WDR45B: variants seen among roughly 807,000 people sequenced by gnomAD.
WDR45B encodes WD repeat domain phosphoinositide-interacting protein 3.
Under a neutral mutation model 44.6 loss-of-function variants are expected in WDR45B, and 20 were observed. The observed-to-expected ratio is 0.45, with a 90% CI of 0.32 to 0.65. WDR45B has a LOEUF of 0.65. WDR45B is among the 30% of genes least tolerant of loss of function. The probability of loss-of-function intolerance (pLI) is 0.05; values close to 1 mark genes in which losing one functional copy is unlikely to be tolerated. For missense variants in WDR45B, 323 were observed against 430.2 expected (o/e 0.75, Z 2.20); for synonymous variants, 169 against 164.9 (o/e 1.02, Z -0.19).
intron 2 of WDR45B, among the ~76,000 whole-genome samples, chr17:82,637,444 G>T (rs1405576874): frequency 6.6e-6 from 1 of 151,910 alleles, no homozygotes. Context: ...AAACCGCACA[G>T]CAAACCCCAG....
At chr17:82,632,356 G>A (rs953320804) in intron 2 of WDR45B, among the ~76,000 whole-genome samples, 5 of 151,940 alleles carry the variant, frequency 3.3e-5, no homozygotes, top group South Asian at 4.2e-4. Context: ...TTGTAGAGGC[G>A]AGGTCATACT....
chr17:82,619,553 A>G (rs535268107), intron 6 of WDR45B, among the ~76,000 whole-genome samples: 2 of 132,926 alleles, frequency 1.5e-5, no homozygotes, highest in Admixed American at 1.6e-4. Flanking sequence ...GCCATCAAAA[A>G]GGTGAGGCAA....
chr17:82,621,894 T>A (rs752012977), intron 5 of WDR45B, 95 bp from the exon 6 acceptor site: 30 of 1,267,496 alleles, frequency 2.4e-5, no homozygotes, highest in Non-Finnish European at 3.1e-5. Flanking sequence ...AAAAAATAGA[T>A]GTATATCATT....
chr17:82,635,427 T>G (rs1045909914), intron 2 of WDR45B, among the ~76,000 whole-genome samples: 2 of 68,780 alleles, frequency 2.9e-5, no homozygotes, highest in African/African-American at 1.1e-4. Flanking sequence ...TCTTTTCAGG[T>G]TTTTTTTTTT....
intron 7 of WDR45B, among the ~76,000 whole-genome samples, chr17:82,618,153 C>T (rs2045564783): frequency 6.6e-6 from 1 of 152,212 alleles, no homozygotes; most frequent in Non-Finnish European, 1.5e-5. Context: ...TGGTCTCGAA[C>T]TCCTGACCTC....
intron 6 of WDR45B, among the ~76,000 whole-genome samples, chr17:82,619,610 G>A (rs2045587049): frequency 6.6e-6 from 1 of 152,060 alleles, no homozygotes; most frequent in South Asian, 2.1e-4. Context: ...CAGCTATGCT[G>A]GCTTTCCCAA....
chr17:82,647,842 T>A (rs2045999933), intron 1 of WDR45B, among the ~76,000 whole-genome samples: 1 of 151,794 alleles, frequency 6.6e-6, no homozygotes, highest in Non-Finnish European at 1.5e-5. Context: ...AAAACGGGGT[T>A]CTGGGCAGGG....
In WDR45B at chr17:82,648,222, C is replaced by CG. The variant is rs903972962; in HGVS notation, c.67+51dup. 3 of 1,566,934 alleles carry CG rather than the reference C, an allele frequency of 1.9e-6. No individual in the cohort carries two copies. In the African/African-American group the frequency reaches 4.2e-5, roughly 22 times the overall value. On this transcript the variant is annotated intron_variant, in intron 1 of 9. Coordinates refer to ENST00000392325, the MANE Select transcript of WDR45B (RefSeq NM_019613.4). ...GGAGAGGCCTGAGAGCCGGGGACCC[C>CG]GGGCTGCGGGAAGGCCCGGCCGGGC... is the stretch of plus-strand genomic sequence containing the variant.
At chr17:82,635,924 C>A (rs1170283832) in intron 2 of WDR45B, among the ~76,000 whole-genome samples, 1 of 151,634 alleles carries the variant, frequency 6.6e-6, no homozygotes, top group African/African-American at 2.4e-5. Context: ...CCCGTCTCTA[C>A]TAAAAATACA....
chr17:82,627,278 A>G lies in WDR45B; in HGVS notation c.258T>C (p.Asp86=). ...CAATAACAGTCTTCTTCTTCAGGTC[A>G]TCCCAGATCATTACTGAAATATCAG... ...KYPPNKVMIW[D]DLKKKTVIEI... Residue 86 remains aspartate, a synonymous_variant, in exon 4 of 10, where the codon GAT becomes GAC. Transcript: ENST00000392325. 2 of 1,612,082 alleles carry G rather than the reference A, an allele frequency of 1.2e-6. No homozygotes were observed. The highest frequency in any genetic ancestry group is 2.2e-5 in the South Asian group (2 of 91,064).
At chr17:82,638,240 G>A (rs865861407) in intron 2 of WDR45B, among the ~76,000 whole-genome samples, 8 of 3,260 alleles carry the variant, frequency 2.5e-3, no homozygotes, top group African/African-American at 3.3e-3. Flanking sequence ...AGGAGGGGAG[G>A]GGAGGGGAGG....
intron 2 of WDR45B, among the ~76,000 whole-genome samples, chr17:82,641,672 G>A (rs1276442143): frequency 2.0e-5 from 3 of 152,106 alleles, no homozygotes; most frequent in East Asian, 1.9e-4. Context: ...CAAGGTGGGC[G>A]GATCACGAGG....
At chr17:82,634,553 GC>G (rs1169437711) in intron 2 of WDR45B, among the ~76,000 whole-genome samples, 3 of 150,724 alleles carry the variant, frequency 2.0e-5, no homozygotes, top group Middle Eastern at 3.2e-3. Context: ...AGTCATACAA[GC>G]AAAAGAACTC....
chr17:82,631,150 C>T, intron 2 of WDR45B, 128 bp from the exon 3 acceptor site: 2 of 864,390 alleles, frequency 2.3e-6, no homozygotes, highest in South Asian at 1.5e-5. Context: ...CAAGATCTCA[C>T]TGTGTTGCCC....
At chr17:82,631,862 A>G (rs1314486837) in intron 2 of WDR45B, among the ~76,000 whole-genome samples, 2 of 151,940 alleles carry the variant, frequency 1.3e-5, no homozygotes, top group Non-Finnish European at 2.9e-5. Context: ...AGGCGGGCAG[A>G]TGATGAGGTC....
intron 3 of WDR45B, among the ~76,000 whole-genome samples, chr17:82,628,740 C>G (rs2045730268): frequency 1.3e-5 from 2 of 151,380 alleles, no homozygotes; most frequent in Middle Eastern, 3.2e-3. Context: ...TGGCTCACAC[C>G]TGTAATCCCA....
At chr17:82,619,547 T>C (rs1465225656) in intron 6 of WDR45B, among the ~76,000 whole-genome samples, 5 of 141,744 alleles carry the variant, frequency 3.5e-5, no homozygotes, top group Non-Finnish European at 7.6e-5. Flanking sequence ...AATCCGGCCA[T>C]CAAAAAGGTG....
chr17:82,646,063 G>C (rs1433330150), intron 1 of WDR45B, among the ~76,000 whole-genome samples: 1 of 151,690 alleles, frequency 6.6e-6, no homozygotes, highest in Admixed American at 6.6e-5. Flanking sequence ...AGAGGTTGCA[G>C]TGAGCTGAGA....
intron 1 of WDR45B, among the ~76,000 whole-genome samples, chr17:82,647,084 C>G (rs140028772): frequency 6.6e-6 from 1 of 152,154 alleles, no homozygotes; most frequent in Non-Finnish European, 1.5e-5. Context: ...CAAAAAGTAG[C>G]CGGGCGTGGA....
Sources: allele counts gnomAD v4.1 joint callset (sites outside exome capture counted in the v4.1 genomes callset), GRCh38; gene constraint gnomAD v4.1.1; transcripts MANE v1.5; gene names NCBI Gene and HGNC (gene_info 2026-07-23, HGNC 2026-07-21).